Variants in WDR25 observed in about 807,000 individuals in gnomAD.
WDR25 encodes the protein WD repeat domain 25.
In WDR25, 35 loss-of-function variants were observed where a neutral mutation model predicts 47.7. The observed-to-expected ratio is 0.73, with a 90% CI of 0.56 to 0.97. The LOEUF (loss-of-function observed/expected upper bound fraction) is 0.97. WDR25 is among the 50% of genes least tolerant of loss of function. WDR25 has a pLI of 0.00. For synonymous variants in WDR25, 248 were observed against 278.9 expected, an observed-to-expected ratio of 0.89 and a Z score of 1.10; for missense variants, 634 against 704.7, an observed-to-expected ratio of 0.90 and a Z score of 1.14.
chr14:100,480,947 A>G, intron 3 of WDR25: 1 of 405,180 alleles, frequency 2.5e-6, no homozygotes, highest in Non-Finnish European at 4.9e-6. Context: ...CCCCATTGCC[A>G]GGATACCCAA....
At chr14:100,386,612 G>GCAAAAAAA (rs1897022856) in intron 2 of WDR25, among the ~76,000 whole-genome samples, 2 of 152,010 alleles carry the variant, frequency 1.3e-5, no homozygotes, top group African/African-American at 4.8e-5. Flanking sequence ...TGGGCTTTGA[G>GCAAAAAAA]GCCAGGCGCG....
intron 4 of WDR25, among the ~76,000 whole-genome samples, chr14:100,513,878 G>A (rs1901395513): frequency 6.6e-6 from 1 of 150,534 alleles, no homozygotes; most frequent in Non-Finnish European, 1.5e-5. Context: ...ATCTACTTTG[G>A]TATTAATATA....
At position 100,440,649 on chromosome 14, in the gene WDR25, TG is replaced by T. The variant is rs1422364149; in HGVS notation, c.823-27370del. 6.6e-6 allele frequency among the ~76,000 whole-genome samples: 1 copy of T among 152,260 alleles called. No homozygotes were observed. Among genetic ancestry groups the T allele is most frequent in the Non-Finnish European group, 1.5e-5 (1 of 68,046 alleles). Reference sequence around the variant, plus strand: ...ATCCTTCCAGGCAACCTTCACCTTCTGGTCTATTTAGTCTCATTCCCTGTTT... The same window carrying T: ...ATCCTTCCAGGCAACCTTCACCTTCTGTCTATTTAGTCTCATTCCCTGTTT... On this transcript the variant is annotated intron_variant, in intron 2 of 6. Transcript: ENST00000402312. This position sits in a 1 kb window ranked among gnomAD's most constrained non-coding sequence, Gnocchi z 4.4.
intron 4 of WDR25, among the ~76,000 whole-genome samples, chr14:100,516,765 T>C (rs1303547472): frequency 1.3e-5 from 2 of 152,196 alleles, no homozygotes; most frequent in African/African-American, 4.8e-5. Context: ...ATATTTAAGG[T>C]GGCTGTCTTG....
At chr14:100,479,914 T>G (rs1900144482) in intron 3 of WDR25, among the ~76,000 whole-genome samples, 2 of 152,032 alleles carry the variant, frequency 1.3e-5, no homozygotes, top group Admixed American at 6.5e-5. Flanking sequence ...GCTCTTCTTA[T>G]GAGAATCTAA....
At chr14:100,416,940 A>T (rs149177299) in intron 2 of WDR25, among the ~76,000 whole-genome samples, 5 of 152,308 alleles carry the variant, frequency 3.3e-5, no homozygotes, top group African/African-American at 1.2e-4. Flanking sequence ...AGGGAGAGTC[A>T]CCCTCACAAA....
At chr14:100,522,740 A>G (rs1270773090) in intron 4 of WDR25, among the ~76,000 whole-genome samples, 2 of 152,218 alleles carry the variant, frequency 1.3e-5, no homozygotes, top group Non-Finnish European at 2.9e-5. Context: ...TACTTGCCCA[A>G]AATTATGCAG....
intron 2 of WDR25, among the ~76,000 whole-genome samples, chr14:100,415,436 A>G (rs2140200558): frequency 1.3e-5 from 2 of 152,322 alleles, no homozygotes; most frequent in East Asian, 3.9e-4. Flanking sequence ...ATTTCTGCAC[A>G]GTCTTCTGAG....
intron 4 of WDR25, among the ~76,000 whole-genome samples, chr14:100,497,804 G>A (rs1900783412): frequency 1.3e-5 from 2 of 152,076 alleles, no homozygotes; most frequent in Non-Finnish European, 2.9e-5. Flanking sequence ...TCCCAAGCCC[G>A]ACTGGATTGT....
chr14:100,479,496 C>T (rs1411535521), intron 3 of WDR25, among the ~76,000 whole-genome samples: 2 of 151,864 alleles, frequency 1.3e-5, no homozygotes, highest in African/African-American at 2.4e-5. Context: ...TTGAGAGAGT[C>T]GTTTGTCTGC....
intron 3 of WDR25, among the ~76,000 whole-genome samples, chr14:100,469,014 C>A (rs907920055): frequency 2.0e-5 from 3 of 152,144 alleles, no homozygotes; most frequent in Non-Finnish European, 1.5e-5. Flanking sequence ...CACCACACTA[C>A]CTCCTCCCCA....
At chr14:100,480,097 A>G (rs1900150210) in intron 3 of WDR25, among the ~76,000 whole-genome samples, 1 of 152,220 alleles carries the variant, frequency 6.6e-6, no homozygotes, top group South Asian at 2.1e-4. Flanking sequence ...AATAGGAATC[A>G]AGCATTGTCC....
At chr14:100,382,892 G>A (rs921904983) in intron 2 of WDR25, among the ~76,000 whole-genome samples, 1 of 152,222 alleles carries the variant, frequency 6.6e-6, no homozygotes, top group Non-Finnish European at 1.5e-5. Context: ...ATGTGCTCAT[G>A]TGAGAAAAAT....
chr14:100,420,392 C>T (rs899528673), intron 2 of WDR25, among the ~76,000 whole-genome samples: 3 of 152,194 alleles, frequency 2.0e-5, no homozygotes, highest in Non-Finnish European at 4.4e-5. Flanking sequence ...CCTGTTTTTA[C>T]AGCCTTCAGG....
chr14:100,390,391 C>CTGTGTG (rs55802109), intron 2 of WDR25, among the ~76,000 whole-genome samples: 8,499 of 146,650 alleles, frequency 0.058, 488 homozygotes, highest in Admixed American at 0.15. Context: ...TGACCAAAAG[C>CTGTGTG]TGTGTGTGTG....
At position 100,430,795 on chromosome 14, in the gene WDR25, C is replaced by T. The variant is rs1898309608; in HGVS notation, c.823-37226C>T. Among the ~76,000 whole-genome samples the T allele has an allele frequency of 6.6e-6, 1 of 152,182 alleles. No individual in the cohort carries two copies. Among genetic ancestry groups the T allele is most frequent in the Non-Finnish European group, 1.5e-5 (1 of 68,032 alleles). On this transcript the variant is annotated intron_variant, in intron 2 of 6. Coordinates refer to ENST00000402312, the MANE Select transcript of WDR25 (RefSeq NM_001161476.3). This position sits in a 1 kb window ranked among gnomAD's most constrained non-coding sequence, Gnocchi z 4.7. The stretch of plus-strand genomic sequence containing the variant: ...CAGATGAGGCTTGCTTCGTGCTCCC[C>T]AGCCTGGCAACGTGGACATTTCTGG...
intron 2 of WDR25, among the ~76,000 whole-genome samples, chr14:100,422,894 G>A (rs1025010535): frequency 4.6e-5 from 7 of 152,154 alleles, no homozygotes; most frequent in Non-Finnish European, 8.8e-5. Context: ...ACGTCAAAGT[G>A]CTATTTTTTG....
At position 100,413,614 on chromosome 14, in the gene WDR25, C is replaced by T. The variant is rs112988871; in HGVS notation, c.822+31868C>T. Among the ~76,000 whole-genome samples the T allele has an allele frequency of 2.4e-3, 365 of 152,024 alleles. 1 individual carries two copies. The highest frequency in any genetic ancestry group is 7.9e-3 in the African/African-American group (327 of 41,464). The stretch of plus-strand genomic sequence containing the variant: ...ATTTTTAGTAGAGATGGGGTTTCAC[C>T]GTGTTAGCCAGGATGGTCTCGATCT... On this transcript the variant is annotated intron_variant, in intron 2 of 6. Transcript: ENST00000402312.
intron 2 of WDR25, among the ~76,000 whole-genome samples, chr14:100,411,907 T>G (rs1897718622): frequency 6.6e-6 from 1 of 152,138 alleles, no homozygotes; most frequent in Non-Finnish European, 1.5e-5. Context: ...TCTAAAGAAA[T>G]GCAAAAAGAT....
Sources: gnomAD v4.1 joint callset for allele counts (sites outside exome capture counted in the v4.1 genomes callset) on GRCh38, gnomAD v4.1.1 for gene constraint, Gnocchi (gnomAD v3.1) non-coding constraint, MANE v1.5 for transcripts, NCBI Gene and HGNC (gene_info 2026-07-23, HGNC 2026-07-21) for gene names.